PRIM2: variants seen among roughly 807,000 people sequenced by gnomAD.
PRIM2 encodes DNA primase subunit 2, also known as DNA primase large subunit.
Under a neutral mutation model 67.3 loss-of-function variants are expected in PRIM2, and 39 were observed. The ratio of observed to expected loss-of-function variants is 0.58; its 90% CI spans 0.45 to 0.76. The LOEUF is 0.76. PRIM2 is among the 30% of genes least tolerant of loss of function. PRIM2 has a pLI of 0.00. For synonymous variants in PRIM2, 143 were observed against 198.7 expected (o/e 0.72, Z 2.36); for missense variants, 398 against 598.7 (o/e 0.66, Z 3.50).
chr6:57,355,176 C>T (rs370024148), intron 5 of PRIM2, among the ~76,000 whole-genome samples: 182 of 150,952 alleles, frequency 1.2e-3, no homozygotes, highest in African/African-American at 4.0e-3. Flanking sequence ...TGGTGGCGGG[C>T]GCCTGCAATC....
At chr6:57,320,825 CAGT>C (rs2127269331) in intron 3 of PRIM2, among the ~76,000 whole-genome samples, 1 of 152,266 alleles carries the variant, frequency 6.6e-6, no homozygotes, top group South Asian at 2.1e-4. Context: ...GTAGGATGCT[CAGT>C]AGCATCTCTG....
At chr6:57,244,111 G>A in the PRIM2 span, among the ~76,000 whole-genome samples, 1 of 152,078 alleles carries the variant, frequency 6.6e-6, no homozygotes, top group Non-Finnish European at 1.5e-5. Context: ...GTTTGGGCTT[G>A]GAAAACGACC....
intron 8 of PRIM2, among the ~76,000 whole-genome samples, chr6:57,523,178 A>G (rs1428872875): frequency 6.6e-6 from 1 of 152,262 alleles, no homozygotes; most frequent in Non-Finnish European, 1.5e-5. Context: ...AAATACTGTG[A>G]TAAACACTCA....
intron 7 of PRIM2, among the ~76,000 whole-genome samples, chr6:57,463,496 A>G (rs1300357525): frequency 6.6e-6 from 1 of 152,174 alleles, no homozygotes; most frequent in Non-Finnish European, 1.5e-5. Flanking sequence ...TATCTCTAAA[A>G]CAAAACAAAA....
At chr6:57,426,486 C>A (rs1212065102) in intron 7 of PRIM2, among the ~76,000 whole-genome samples, 1 of 152,164 alleles carries the variant, frequency 6.6e-6, no homozygotes. Flanking sequence ...AGACATTTTA[C>A]AAAGGCAGAT....
chr6:57,317,169 G>C (rs1277540348), upstream of PRIM2, among the ~76,000 whole-genome samples: 1 of 151,854 alleles, frequency 6.6e-6, no homozygotes, highest in Non-Finnish European at 1.5e-5. Context: ...TTAAACGAGC[G>C]GAAAAAAAAG....
At chr6:57,373,482 C>G (rs1342997346) in intron 5 of PRIM2, among the ~76,000 whole-genome samples, 1 of 151,946 alleles carries the variant, frequency 6.6e-6, no homozygotes, top group Non-Finnish European at 1.5e-5. Context: ...TCAATTTTTG[C>G]TTTTGTTTCA....
chr6:57,239,724 C>G, the PRIM2 span, among the ~76,000 whole-genome samples: 1 of 152,098 alleles, frequency 6.6e-6, no homozygotes, highest in African/African-American at 2.4e-5. Flanking sequence ...CCAGCCTGAG[C>G]GACAGAGCAA....
At chr6:57,485,949 T>C (rs1272773432) in intron 7 of PRIM2, among the ~76,000 whole-genome samples, 21 of 152,158 alleles carry the variant, frequency 1.4e-4, no homozygotes, top group Non-Finnish European at 2.4e-4. Context: ...GTTGCAGGGA[T>C]GCCAAGAAGG....
intron 10 of PRIM2, among the ~76,000 whole-genome samples, chr6:57,562,620 T>G (rs1775659589): frequency 6.6e-6 from 1 of 152,196 alleles, no homozygotes; most frequent in Admixed American, 6.5e-5. Flanking sequence ...ACAAACATCA[T>G]AATACTTAGG....
intron 12 of PRIM2, among the ~76,000 whole-genome samples, chr6:57,607,363 A>C (rs1776583272): frequency 1.3e-5 from 2 of 151,958 alleles, no homozygotes; most frequent in African/African-American, 4.8e-5. Flanking sequence ...CCACAAAACC[A>C]GTGTCTGAAA....
chr6:57,395,868 T>C (rs1396266783), intron 7 of PRIM2, among the ~76,000 whole-genome samples: 2 of 152,180 alleles, frequency 1.3e-5, no homozygotes, highest in Non-Finnish European at 2.9e-5. Context: ...GTGTCATTAT[T>C]GTTATTCAGT....
chr6:57,266,459 C>T, the PRIM2 span, among the ~76,000 whole-genome samples: 3 of 152,048 alleles, frequency 2.0e-5, no homozygotes, highest in Non-Finnish European at 4.4e-5. Context: ...ATAATCAGCT[C>T]GACAATTTTT....
upstream of PRIM2, among the ~76,000 whole-genome samples, chr6:57,312,059 AGGGGAGAGG>A (rs147838945): frequency 0.8 from 86,271 of 107,812 alleles, 35,213 homozygotes; most frequent in East Asian, 0.97. Flanking sequence ...GAGAGGGGAG[AGGGGAGAGG>A]GGGGAGAGGG....
intron 10 of PRIM2, among the ~76,000 whole-genome samples, chr6:57,574,108 G>A (rs1775918200): frequency 6.6e-6 from 1 of 151,998 alleles, no homozygotes; most frequent in African/African-American, 2.4e-5. Context: ...TTGGCCATGA[G>A]GCAAACCTGC....
Position 57,545,330 on chromosome 6 carries a change from G to A in PRIM2, c.1020+7705G>A, listed in dbSNP as rs1465144771. 1.1e-4 allele frequency among the ~76,000 whole-genome samples: 16 copies of A among 151,938 alleles called. 1 individual carries two copies. Among genetic ancestry groups the A allele is most frequent in the African/African-American group, 3.6e-4 (15 of 41,244 alleles). On this transcript the variant is annotated intron_variant, in intron 10 of 13. Transcript: ENST00000615550. ...TCCATCTACTTGGCATAGTTCAGCC[G>A]ATTTTTATTGTGTGTTTATCATGAA...
the PRIM2 span, among the ~76,000 whole-genome samples, chr6:57,266,928 C>T: frequency 3.3e-5 from 5 of 152,286 alleles, no homozygotes; most frequent in Middle Eastern, 3.4e-3. Flanking sequence ...ATGAAAAGTA[C>T]TTCACACAGA....
intron 12 of PRIM2, among the ~76,000 whole-genome samples, chr6:57,627,308 A>AAAAAAAAAT (rs1776966603): frequency 7.0e-6 from 1 of 143,130 alleles, no homozygotes; most frequent in African/African-American, 2.6e-5. Flanking sequence ...AAAAAAAAAA[A>AAAAAAAAAT]GTTTAAAAAT....
chr6:57,382,926 A>G (rs1002226763), intron 7 of PRIM2: 2 of 152,162 alleles, frequency 1.3e-5, no homozygotes, highest in Admixed American at 6.6e-5. Context: ...TTTCTGATAT[A>G]AATAAATTTT....
Sources: gnomAD v4.1 joint callset for allele counts (sites outside exome capture counted in the v4.1 genomes callset) on GRCh38, gnomAD v4.1.1 for gene constraint, MANE v1.5 for transcripts, NCBI Gene and HGNC (gene_info 2026-07-23, HGNC 2026-07-21) for gene names.